Variants in OR8B2 observed in about 807,000 individuals in gnomAD.
OR8B2 encodes olfactory receptor family 8 subfamily B member 2.
For synonymous variants in OR8B2, 98 were observed against 138.2 expected, an observed-to-expected ratio of 0.71 and a Z score of 2.04; for missense variants, 304 against 379.6, an observed-to-expected ratio of 0.80 and a Z score of 1.65.
upstream of OR8B2, among the ~76,000 whole-genome samples, chr11:124,388,601 T>C (rs1380256423): frequency 1.3e-5 from 2 of 152,148 alleles, no homozygotes; most frequent in African/African-American, 2.4e-5. Context: ...TCAGAGTTGA[T>C]GATGCATGAG....
At chr11:124,394,625 AC>A in the OR8B2 span, among the ~76,000 whole-genome samples, 1 of 152,050 alleles carries the variant, frequency 6.6e-6, no homozygotes, top group Admixed American at 6.6e-5. Context: ...AGTCCCACCC[AC>A]CCTGCTGAGT....
At chr11:124,392,781 A>G in the OR8B2 span, among the ~76,000 whole-genome samples, 2 of 150,214 alleles carry the variant, frequency 1.3e-5, no homozygotes, top group African/African-American at 5.0e-5. Context: ...TTCACATGGA[A>G]CCAAAAAAGA....
At chr11:124,391,284 C>T in the OR8B2 span, among the ~76,000 whole-genome samples, 8 of 117,960 alleles carry the variant, frequency 6.8e-5, no homozygotes, top group African/African-American at 2.2e-4. Context: ...GAAGGAAATA[C>T]AGACAAAAAA....
At chr11:124,391,347 A>G in the OR8B2 span, among the ~76,000 whole-genome samples, 1 of 152,116 alleles carries the variant, frequency 6.6e-6, no homozygotes, top group Non-Finnish European at 1.5e-5. Flanking sequence ...GAAAGGATCA[A>G]TAAAATTGAT....
chr11:124,393,044 G>A, the OR8B2 span, among the ~76,000 whole-genome samples: 2 of 145,320 alleles, frequency 1.4e-5, no homozygotes, highest in African/African-American at 5.5e-5. Flanking sequence ...ATGGTGCTGG[G>A]AAAACTGGCT....
At chr11:124,392,762 ACTT>A in the OR8B2 span, among the ~76,000 whole-genome samples, 1 of 149,498 alleles carries the variant, frequency 6.7e-6, no homozygotes, top group Non-Finnish European at 1.5e-5. Context: ...GGAAAAAACT[ACTT>A]TAAAGTTCAC....
chr11:124,391,102 T>C, the OR8B2 span, among the ~76,000 whole-genome samples: 16 of 152,200 alleles, frequency 1.1e-4, no homozygotes, highest in Non-Finnish European at 1.8e-4. Context: ...TGTTCACCTG[T>C]CTTTATAACT....
the OR8B2 span, among the ~76,000 whole-genome samples, chr11:124,389,783 T>A: frequency 6.6e-6 from 1 of 152,016 alleles, no homozygotes; most frequent in African/African-American, 2.4e-5. Flanking sequence ...AGAGAGTCCA[T>A]AAAAATCACA....
the OR8B2 span, among the ~76,000 whole-genome samples, chr11:124,394,518 T>C: frequency 6.6e-4 from 100 of 152,146 alleles, no homozygotes; most frequent in Non-Finnish European, 1.6e-4. Context: ...CATAGAGCAG[T>C]TCTAAAAAGT....
At chr11:124,388,430 T>A (rs1281769363), upstream of OR8B2, among the ~76,000 whole-genome samples, 1 of 152,142 alleles carries the variant, frequency 6.6e-6, no homozygotes, top group Non-Finnish European at 1.5e-5. Context: ...CATTAGTGAC[T>A]TTGGGCAAAG....
rs1204905683 is a variant in OR8B2 at position 124,383,297 on chromosome 11, C to A, written c.47G>T (p.Gly16Val). The change falls in exon 2 of 2, where the codon GGA becomes GTA. Residue 16 changes from glycine (G) to valine (V), a missense_variant. Transcript: ENST00000641451. ...CCGGAACTCTGGATGATCTGTTAAT[C>A]CAGCAAGAATAAATTCAGTCACTAA... ...NSLVTEFILA[G>V]LTDHPEFRQP... 1.9e-6 allele frequency: 3 copies of A among 1,613,784 alleles called. No individual in the cohort carries two copies. In the South Asian group the frequency reaches 3.3e-5, roughly 18 times the overall value.
At chr11:124,387,250 C>T (rs1477318841), upstream of OR8B2, among the ~76,000 whole-genome samples, 1 of 152,256 alleles carries the variant, frequency 6.6e-6, no homozygotes, top group Non-Finnish European at 1.5e-5. Flanking sequence ...TGTGCAGAAG[C>T]TCTTTAGTTT....
At chr11:124,391,576 A>C in the OR8B2 span, among the ~76,000 whole-genome samples, 1 of 152,166 alleles carries the variant, frequency 6.6e-6, no homozygotes, top group Non-Finnish European at 1.5e-5. Flanking sequence ...AAGAAGTTGA[A>C]TCTCTGAATA....
At chr11:124,384,206 T>G (rs1421599776) in intron 1 of OR8B2, among the ~76,000 whole-genome samples, 168 bp downstream of exon 1, 1 of 152,180 alleles carries the variant, frequency 6.6e-6, no homozygotes, top group Non-Finnish European at 1.5e-5. Context: ...CTGCTATTGC[T>G]ATCCTGATAC....
At chr11:124,390,482 T>A in the OR8B2 span, among the ~76,000 whole-genome samples, 7 of 152,084 alleles carry the variant, frequency 4.6e-5, no homozygotes, top group East Asian at 1.4e-3. Context: ...CACCAAAAAA[T>A]AGCAAAATGT....
upstream of OR8B2, among the ~76,000 whole-genome samples, chr11:124,389,452 G>A (rs1167400616): frequency 6.6e-6 from 1 of 152,178 alleles, no homozygotes; most frequent in African/African-American, 2.4e-5. Flanking sequence ...AGTCAAGGAT[G>A]TGGATGACTT....
In OR8B2 at chr11:124,383,042, A is replaced by T. The variant is rs760376862; in HGVS notation, c.302T>A (p.Leu101Gln). 4.3e-6 allele frequency: 7 copies of T among 1,613,818 alleles called. No individual in the cohort carries two copies. The highest frequency in any genetic ancestry group is 4.2e-6 in the Non-Finnish European group (5 of 1,179,868). ...IISNVGCMTRLFFFLFFVISE... is the reference protein window; with the variant it reads ...IISNVGCMTRQFFFLFFVISE... ...GATGACGAAAAAGAGAAAGAAAAAC[A>T]GCCGAGTCATGCACCCAACATTGGA... The change falls in exon 2 of 2, where the codon CTG (leucine) becomes CAG (glutamine). Residue 101 changes from leucine (L) to glutamine (Q), a missense_variant. Transcript: ENST00000641451.
chr11:124,396,941 G>A, the OR8B2 span: 2 of 1,609,980 alleles, frequency 1.2e-6, no homozygotes, highest in South Asian at 1.1e-5. Flanking sequence ...AGACCTGATG[G>A]GACATGGTGA....
chr11:124,391,789 G>A, the OR8B2 span, among the ~76,000 whole-genome samples: 1 of 151,858 alleles, frequency 6.6e-6, no homozygotes, highest in Non-Finnish European at 1.5e-5. Flanking sequence ...TGATACCAAA[G>A]CCTGGCAGAG....
Sources: allele counts gnomAD v4.1 joint callset (sites outside exome capture counted in the v4.1 genomes callset), GRCh38; gene constraint gnomAD v4.1.1; transcripts MANE v1.5; gene names NCBI Gene and HGNC (gene_info 2026-07-23, HGNC 2026-07-21).